Variants in RGS6 observed in about 807,000 individuals in gnomAD.
RGS6 encodes regulator of G-protein signaling 6.
In RGS6, 30 loss-of-function variants were observed where a neutral mutation model predicts 78.5. That is an observed-to-expected ratio of 0.38 (90% CI 0.29 to 0.52). RGS6 has a LOEUF of 0.52. Among genes scored for constraint, RGS6 ranks in the 20% least tolerant of loss-of-function variants. The pLI is 0.85. For synonymous variants in RGS6, 206 were observed against 206.0 expected, an observed-to-expected ratio of 1.00 and a Z score of 0.00; for missense variants, 495 against 609.7, an observed-to-expected ratio of 0.81 and a Z score of 1.98.
rs192421686 is a variant in RGS6 at position 72,454,560 on chromosome 14, C to T, written c.217C>T (p.Leu73Phe). ...CATTGTGCAGTGGCTTATGAAGAAC[C>T]TTTCCATTGAGGACCCAGGTACTTG... ...TDIVQWLMKNLSIEDPVEAIH... is the reference protein window; with the variant it reads ...TDIVQWLMKNFSIEDPVEAIH... The change falls in exon 4 of 18, where the codon CTT becomes TTT. Residue 73 changes from leucine (L) to phenylalanine (F), a missense_variant. Leu to Phe is a conservative substitution (Grantham distance 22). Transcript: ENST00000553525. The T allele has an allele frequency of 3.1e-6, 5 of 1,614,032 alleles. No individual in the cohort carries two copies. The highest frequency in any genetic ancestry group is 3.3e-5 in the Admixed American group (2 of 60,008).
rs146545723 is a variant in RGS6 at position 72,123,084 on chromosome 14, A to G, written c.84+158209A>G. On this transcript the variant is annotated intron_variant, in intron 2 of 17. Coordinates refer to ENST00000553525, the MANE Select transcript of RGS6 (RefSeq NM_001204424.2). ...TGGGTTTGAGCGATTCTCATGCCTC[A>G]GCCTCCCAGGTAGCTGGGATTATAG... 4.4e-3 allele frequency among the ~76,000 whole-genome samples: 666 copies of G among 152,246 alleles called. 4 individuals carry two copies. Among genetic ancestry groups the G allele is most frequent in the African/African-American group, 0.015 (629 of 41,568 alleles).
the RGS6 span, among the ~76,000 whole-genome samples, chr14:71,912,251 A>T: frequency 6.6e-6 from 1 of 152,206 alleles, no homozygotes; most frequent in Non-Finnish European, 1.5e-5. Context: ...AGGGCGAAGT[A>T]TATAATGGGG....
chr14:72,335,958 G>A (rs1520332), intron 2 of RGS6, among the ~76,000 whole-genome samples: 83,958 of 151,970 alleles, frequency 0.55, 23,993 homozygotes, highest in African/African-American at 0.69. Flanking sequence ...GTCTAGTGCC[G>A]GAAGGGAACT....
At chr14:72,516,081 C>T (rs533751072) in intron 14 of RGS6, among the ~76,000 whole-genome samples, 8 of 152,382 alleles carry the variant, frequency 5.2e-5, no homozygotes, top group Admixed American at 3.3e-4. Context: ...GGAAGCCTCA[C>T]TGACTTCGTC....
intron 2 of RGS6, among the ~76,000 whole-genome samples, chr14:72,344,910 T>C (rs563682753): frequency 6.6e-6 from 1 of 152,226 alleles, no homozygotes; most frequent in South Asian, 2.1e-4. Flanking sequence ...CCTTTACGAG[T>C]GTTGTTTAAC....
chr14:72,094,576 A>C (rs149511274), intron 2 of RGS6, among the ~76,000 whole-genome samples: 2 of 152,086 alleles, frequency 1.3e-5, no homozygotes, highest in African/African-American at 4.8e-5. Context: ...TAAATATTTC[A>C]CTTAGATGAT....
chr14:72,221,587 G>A (rs557171407), intron 2 of RGS6, among the ~76,000 whole-genome samples: 3 of 152,256 alleles, frequency 2.0e-5, no homozygotes, highest in African/African-American at 7.2e-5. Flanking sequence ...CCCTGAACAA[G>A]TGACGACAAT....
chr14:71,916,140 C>A, the RGS6 span, among the ~76,000 whole-genome samples: 45 of 152,230 alleles, frequency 3.0e-4, no homozygotes, highest in Non-Finnish European at 5.0e-4. Flanking sequence ...ATTCTTTTAG[C>A]TGCTGTAGCA....
At chr14:72,170,826 T>G (rs1367206032) in intron 2 of RGS6, among the ~76,000 whole-genome samples, 1 of 152,082 alleles carries the variant, frequency 6.6e-6, no homozygotes, top group African/African-American at 2.4e-5. Flanking sequence ...TGGGAGAGAT[T>G]TACTGATTTA....
intron 3 of RGS6, among the ~76,000 whole-genome samples, chr14:72,370,172 G>C (rs1226501918): frequency 1.3e-5 from 2 of 151,244 alleles, no homozygotes; most frequent in Non-Finnish European, 2.9e-5. Context: ...AAATTCACTT[G>C]ATGTCACTGG....
chr14:72,318,416 T>TAA (rs879807334), intron 2 of RGS6, among the ~76,000 whole-genome samples: 24,747 of 152,004 alleles, frequency 0.16, 1,985 homozygotes, highest in African/African-American at 0.2. Flanking sequence ...GGCCACACCC[T>TAA]CACAGACACA....
Position 72,284,902 on chromosome 14 carries a change from A to G in RGS6, c.85-67193A>G, listed in dbSNP as rs1217048140. 2.6e-5 allele frequency among the ~76,000 whole-genome samples: 4 copies of G among 152,344 alleles called. No homozygotes were observed. The East Asian group carries it at 7.7e-4, about 29-fold the overall frequency. On this transcript the variant is annotated intron_variant, in intron 2 of 17. Coordinates refer to ENST00000553525, the MANE Select transcript of RGS6 (RefSeq NM_001204424.2). ...TCGGCGTGACCTGAATGTGAGACACAGAGTCAAAGGAGATCATTTTCAAGC... is the reference window on the plus strand; with the variant it reads ...TCGGCGTGACCTGAATGTGAGACACGGAGTCAAAGGAGATCATTTTCAAGC...
chr14:72,384,531 A>C (rs1367199331), intron 3 of RGS6, among the ~76,000 whole-genome samples: 1 of 152,146 alleles, frequency 6.6e-6, no homozygotes, highest in East Asian at 1.9e-4. Flanking sequence ...CATACGTTTC[A>C]GTTTTATTAA....
chr14:72,457,903 T>TA (rs2095673087), intron 4 of RGS6, among the ~76,000 whole-genome samples: 1 of 152,188 alleles, frequency 6.6e-6, no homozygotes, highest in Non-Finnish European at 1.5e-5. Context: ...TGCTAGCACT[T>TA]ACGGAGTATT....
the RGS6 span, among the ~76,000 whole-genome samples, chr14:71,888,657 G>GA: frequency 7.4e-4 from 106 of 142,770 alleles, no homozygotes; most frequent in African/African-American, 1.7e-3. Flanking sequence ...TCATTCAAGA[G>GA]AAAAAAAAAA....
intron 2 of RGS6, among the ~76,000 whole-genome samples, chr14:72,025,414 G>T (rs2089645045): frequency 6.6e-6 from 1 of 152,044 alleles, no homozygotes; most frequent in Non-Finnish European, 1.5e-5. Context: ...GGGAGAAAAT[G>T]ACTTAACTCA....
chr14:72,510,189 G>A lies in RGS6; in HGVS notation c.1001G>A (p.Gly334Asp). The change falls in exon 14 of 18, where the codon GGC becomes GAC. Residue 334 changes from glycine to aspartate, a missense_variant. By Grantham distance (94) the Gly-to-Asp change is moderately conservative. Transcript: ENST00000553525. ...EPSQQRVKRW[G>D]FSFDEILKDQ... Reference sequence around the variant, plus strand: ...AGCCAACAGCGAGTAAAAAGATGGGGCTTCTCTTTCGATGAGATATTGAAG... The same window carrying A: ...AGCCAACAGCGAGTAAAAAGATGGGACTTCTCTTTCGATGAGATATTGAAG... 1 of 1,613,004 alleles carries A rather than the reference G, an allele frequency of 6.2e-7. No individual in the cohort carries two copies. Among genetic ancestry groups the A allele is most frequent in the South Asian group, 1.1e-5 (1 of 90,720 alleles).
downstream of RGS6, chr14:72,566,655 A>T (rs1453417728): frequency 5.4e-5 from 8 of 146,910 alleles, 1 homozygote; most frequent in Admixed American, 1.4e-4. Flanking sequence ...ACACACACAC[A>T]CACACACACA....
At chr14:72,526,992 G>A (rs1019167312) in intron 15 of RGS6, among the ~76,000 whole-genome samples, 4 of 152,180 alleles carry the variant, frequency 2.6e-5, no homozygotes, top group Admixed American at 2.6e-4. Context: ...GAGACTCAAG[G>A]ATACAGACTT....
Sources: gnomAD v4.1 joint callset for allele counts (sites outside exome capture counted in the v4.1 genomes callset) on GRCh38, gnomAD v4.1.1 for gene constraint, MANE v1.5 for transcripts, NCBI Gene and HGNC (gene_info 2026-07-23, HGNC 2026-07-21) for gene names.